Variants in SH2D1A observed in about 807,000 individuals in gnomAD.
SH2D1A encodes the protein SH2 domain containing 1A, also known as SH2 domain-containing protein 1A.
SH2D1A carries 6 observed loss-of-function variants against 10.1 expected under a neutral mutation model. The observed-to-expected ratio is 0.60, with a 90% CI of 0.33 to 1.18. The LOEUF (loss-of-function observed/expected upper bound fraction) is 1.18, where lower values mean the gene tolerates loss of function less well. Among genes scored for constraint, SH2D1A ranks in the 50% most tolerant of loss-of-function variants. The probability of loss-of-function intolerance (pLI) is 0.04; values close to 1 mark genes in which losing one functional copy is unlikely to be tolerated. For synonymous variants in SH2D1A, 42 were observed against 36.9 expected, an observed-to-expected ratio of 1.14 and a Z score of -0.51; for missense variants, 51 against 97.6, an observed-to-expected ratio of 0.52 and a Z score of 2.01.
chrX:124,349,242 A>C (rs1367370784), intron 1 of SH2D1A, among the ~76,000 whole-genome samples: 1 of 112,014 alleles, frequency 8.9e-6, no homozygotes, highest in African/African-American at 3.2e-5. Context: ...TGTGACTGTT[A>C]GGGTGATAGC....
At chrX:124,360,235 G>A (rs1286241864) in intron 1 of SH2D1A, among the ~76,000 whole-genome samples, 2 of 109,242 alleles carry the variant, frequency 1.8e-5, no homozygotes, top group Non-Finnish European at 3.8e-5. Flanking sequence ...TCCAAAGGAG[G>A]TTAATGGTAA....
At chrX:124,359,802 T>C (rs929759722) in intron 1 of SH2D1A, among the ~76,000 whole-genome samples, 4 of 112,540 alleles carry the variant, frequency 3.6e-5, no homozygotes, top group Non-Finnish European at 7.5e-5. Flanking sequence ...AGTAGTTAAA[T>C]TGACCTTTTG....
chrX:124,364,910 G>C (rs2060050265), intron 1 of SH2D1A, among the ~76,000 whole-genome samples: 1 of 111,011 alleles, frequency 9.0e-6, no homozygotes, highest in Non-Finnish European at 1.9e-5. Context: ...TCCATTCATG[G>C]TAAGTACTCT....
rs1178069969 is a variant in SH2D1A at position 124,372,442 on chromosome X, G to T, written c.*1051G>T. On this transcript the variant is annotated 3_prime_UTR_variant, in exon 4 of 4. Coordinates refer to ENST00000371139, the MANE Select transcript of SH2D1A (RefSeq NM_002351.5). ...ATAGAAGTAAAAACACCTGGTCCCTGCTCTCAGTTCACTGTCTTGTTGGAC... is the reference window on the plus strand; with the variant it reads ...ATAGAAGTAAAAACACCTGGTCCCTTCTCTCAGTTCACTGTCTTGTTGGAC... 1 of 171,975 alleles carries T rather than the reference G, an allele frequency of 5.8e-6. No individual in the cohort carries two copies. Among genetic ancestry groups the T allele is most frequent in the Non-Finnish European group, 1.1e-5 (1 of 90,102 alleles). 14.2% of individuals were successfully genotyped at this position (171,975 alleles called of 1,213,427 possible).
chrX:124,351,031 T>TATATATATTTTATATATATTATTATAA (rs2060013252), intron 1 of SH2D1A, among the ~76,000 whole-genome samples: 2 of 89,680 alleles, frequency 2.2e-5, no homozygotes, highest in African/African-American at 8.2e-5. Flanking sequence ...TTATTATAAA[T>TATATATATTTTATATATATTATTATAA]ATATATATTT....
intron 1 of SH2D1A, among the ~76,000 whole-genome samples, chrX:124,360,171 G>T (rs900666731): frequency 7.2e-5 from 8 of 111,190 alleles, no homozygotes; most frequent in African/African-American, 2.6e-4. Context: ...CACCCAAAGT[G>T]CTGGGATTAC....
chrX:124,357,078 G>A (rs1338224738), intron 1 of SH2D1A, among the ~76,000 whole-genome samples: 2 of 111,213 alleles, frequency 1.8e-5, no homozygotes, highest in Non-Finnish European at 3.8e-5. Context: ...TAGATCTCTT[G>A]AACTTTTTCC....
Position 124,371,395 on chromosome X carries a change from A to G in SH2D1A, c.*4A>G, listed in dbSNP as rs367998323. ...TGTCTGCCTGAAAGCCCCATGAAGA[A>G]AAATAAAACACCTTGTACTTTATTT... On this transcript the variant is annotated 3_prime_UTR_variant, in exon 4 of 4. Coordinates refer to ENST00000371139, the MANE Select transcript of SH2D1A (RefSeq NM_002351.5). 53 of 1,100,980 alleles carry G rather than the reference A, an allele frequency of 4.8e-5. No individual in the cohort carries two copies. The highest frequency in any genetic ancestry group is 6.1e-5 in the Non-Finnish European group (49 of 799,576). 90.7% of individuals were successfully genotyped at this position (1,100,980 alleles called of 1,213,427 possible).
At chrX:124,366,737 C>T (rs1432540200) in intron 2 of SH2D1A, among the ~76,000 whole-genome samples, 2 of 110,915 alleles carry the variant, frequency 1.8e-5, no homozygotes, top group African/African-American at 3.3e-5. Flanking sequence ...ATAATACTAA[C>T]TAAAGATAAA....
At chrX:124,355,167 A>T (rs995868123) in intron 1 of SH2D1A, among the ~76,000 whole-genome samples, 7 of 112,699 alleles carry the variant, frequency 6.2e-5, no homozygotes, top group Non-Finnish European at 1.3e-4. Flanking sequence ...ATGTAGCTAA[A>T]TGTTTTCTTT....
chrX:124,356,325 C>T (rs1250626075), intron 1 of SH2D1A, among the ~76,000 whole-genome samples: 1 of 111,504 alleles, frequency 9.0e-6, no homozygotes, highest in African/African-American at 3.3e-5. Flanking sequence ...TGGGTTGGTT[C>T]CAAGTCTTTG....
At chrX:124,354,366 C>T (rs1393283370) in intron 1 of SH2D1A, among the ~76,000 whole-genome samples, 1 of 111,482 alleles carries the variant, frequency 9.0e-6, no homozygotes, top group Non-Finnish European at 1.9e-5. Flanking sequence ...CACTGCCCTC[C>T]TTCTCTCAGT....
chrX:124,357,278 T>A (rs1222701045), intron 1 of SH2D1A, among the ~76,000 whole-genome samples: 1 of 112,328 alleles, frequency 8.9e-6, no homozygotes, highest in Admixed American at 9.4e-5. Context: ...CTTTACAAAC[T>A]GTCCTCCATA....
intron 1 of SH2D1A, among the ~76,000 whole-genome samples, chrX:124,350,919 A>G (rs1318747374): frequency 1.4e-5 from 1 of 72,779 alleles, no homozygotes; most frequent in Admixed American, 2.1e-4. Context: ...TATATTGTAT[A>G]TAAGATATAT....
At chrX:124,358,079 G>C (rs1164991566) in intron 1 of SH2D1A, among the ~76,000 whole-genome samples, 1 of 110,882 alleles carries the variant, frequency 9.0e-6, no homozygotes, top group African/African-American at 3.3e-5. Context: ...CCATTCTGTA[G>C]GTTGTCTCTT....
chrX:124,359,946 C>T (rs1232012450), intron 1 of SH2D1A, among the ~76,000 whole-genome samples: 3 of 110,427 alleles, frequency 2.7e-5, no homozygotes, highest in Non-Finnish European at 5.7e-5. Flanking sequence ...ACTCTTGTCG[C>T]CCAGGCTGGA....
chrX:124,348,597 A>G (rs1479932831), intron 1 of SH2D1A, among the ~76,000 whole-genome samples: 1 of 111,655 alleles, frequency 9.0e-6, no homozygotes, highest in Admixed American at 9.6e-5. Flanking sequence ...CCACCTATCT[A>G]GAACAAGTGC....
At position 124,348,951 on chromosome X, in the gene SH2D1A, C is replaced by T. The variant is rs781503867; in HGVS notation, c.137+2172C>T. The stretch of plus-strand genomic sequence containing the variant: ...TAAAACAGGAATAGTAATGTGTATC[C>T]TACCTTCTGCAAAAGATTGCCTTAA... On this transcript the variant is annotated intron_variant, in intron 1 of 3. Transcript: ENST00000371139. 8.9e-5 allele frequency among the ~76,000 whole-genome samples: 10 copies of T among 112,273 alleles called. No individual in the cohort carries two copies. In the South Asian group the frequency reaches 3.7e-3, roughly 41 times the overall value.
intron 2 of SH2D1A, among the ~76,000 whole-genome samples, chrX:124,366,974 A>G (rs1250066179): frequency 5.5e-5 from 6 of 110,047 alleles, no homozygotes; most frequent in Non-Finnish European, 9.5e-5. Context: ...AATACCCTTC[A>G]GCTGCTGAAG....
Sources: gnomAD v4.1 joint callset for allele counts (sites outside exome capture counted in the v4.1 genomes callset) on GRCh38, gnomAD v4.1.1 for gene constraint, MANE v1.5 for transcripts, NCBI Gene and HGNC (gene_info 2026-07-23, HGNC 2026-07-21) for gene names.